The following LRFN5 variants were observed in gnomAD, a reference collection of about 807,000 sequenced individuals.
LRFN5 encodes the protein leucine-rich repeat and fibronectin type-III domain-containing protein 5.
In LRFN5, 24 loss-of-function variants were observed where a neutral mutation model predicts 45.6. The observed-to-expected ratio is 0.53, with a 90% confidence interval of 0.38 to 0.74. LRFN5 has a LOEUF of 0.74. LRFN5 is among the 30% of genes least tolerant of loss of function. The pLI is 0.00. For synonymous variants in LRFN5, 340 were observed against 313.8 expected (o/e 1.08, Z -0.88); for missense variants, 776 against 861.5 (o/e 0.90, Z 1.24).
At chr14:41,643,762 C>T (rs1277055473) in intron 1 of LRFN5, among the ~76,000 whole-genome samples, 2 of 151,956 alleles carry the variant, frequency 1.3e-5, no homozygotes, top group Non-Finnish European at 2.9e-5. Context: ...ACCGTTACTC[C>T]CATATATTCT....
chr14:41,785,610 C>G (rs1886690754), intron 2 of LRFN5, among the ~76,000 whole-genome samples: 1 of 152,048 alleles, frequency 6.6e-6, no homozygotes, highest in Non-Finnish European at 1.5e-5. Flanking sequence ...TTCAATGATT[C>G]AAGCACTTTA....
In LRFN5 at chr14:41,872,257, A is replaced by G. The variant is rs75775936; in HGVS notation, c.-20-14349A>G. Among the ~76,000 whole-genome samples the G allele has an allele frequency of 3.3e-4, 50 of 152,336 alleles. 2 individuals carry two copies. The East Asian group carries it at 9.4e-3, about 29-fold the overall frequency. On this transcript the variant is annotated intron_variant, in intron 2 of 5. Coordinates refer to ENST00000298119, the MANE Select transcript of LRFN5 (RefSeq NM_152447.5). ...GACTAATCACTAATGTGGATGATTT[A>G]CTATTGAAAGAACCCAAGTTACTTT...
At chr14:41,769,134 A>G (rs188854332) in intron 2 of LRFN5, among the ~76,000 whole-genome samples, 1 of 152,258 alleles carries the variant, frequency 6.6e-6, no homozygotes, top group East Asian at 1.9e-4. Context: ...TCCAACTTCA[A>G]ATAGCTCATT....
intron 2 of LRFN5, among the ~76,000 whole-genome samples, chr14:41,772,932 G>A (rs1886142251): frequency 1.3e-5 from 2 of 152,126 alleles, no homozygotes; most frequent in South Asian, 4.1e-4. Context: ...TTACTACTGT[G>A]ATTTCTCCCG....
chr14:41,877,963 T>C (rs1029152922), intron 2 of LRFN5, among the ~76,000 whole-genome samples: 3 of 152,100 alleles, frequency 2.0e-5, no homozygotes, highest in Non-Finnish European at 4.4e-5. Context: ...GTGACTGTTA[T>C]AATCAAATCC....
At chr14:41,611,842 T>C (rs1181452131) in intron 1 of LRFN5, among the ~76,000 whole-genome samples, 1 of 152,192 alleles carries the variant, frequency 6.6e-6, no homozygotes, top group Non-Finnish European at 1.5e-5. Context: ...TCTTTCCTTT[T>C]TCTCAAGAGG....
chr14:41,641,113 A>G (rs758853395), intron 1 of LRFN5, among the ~76,000 whole-genome samples: 9 of 152,146 alleles, frequency 5.9e-5, no homozygotes, highest in Non-Finnish European at 1.3e-4. Flanking sequence ...CTGTGGGCAG[A>G]TAAACCCCTC....
chr14:41,807,638 C>G (rs1343912913), intron 2 of LRFN5, among the ~76,000 whole-genome samples: 2 of 152,008 alleles, frequency 1.3e-5, no homozygotes, highest in South Asian at 2.1e-4. Context: ...CACAGACCAC[C>G]CTGTCTGCTG....
At chr14:41,698,806 C>G (rs560648427) in intron 1 of LRFN5, among the ~76,000 whole-genome samples, 1 of 152,006 alleles carries the variant, frequency 6.6e-6, no homozygotes, top group East Asian at 1.9e-4. Context: ...ATTTTTCTGT[C>G]TATGGATTGT....
chr14:41,891,698 C>A lies in LRFN5; in HGVS notation c.1834C>A (p.Gln612Lys), dbSNP rs759848495. 46 of 1,614,078 alleles carry A rather than the reference C, an allele frequency of 2.8e-5. No homozygotes were observed. Among genetic ancestry groups the A allele is most frequent in the Middle Eastern group, 1.6e-4 (1 of 6,084 alleles). The stretch of plus-strand genomic sequence containing the variant: ...TAAAGCTACCAGTGACAATGTGATT[C>A]AATCTTCAGAAACTTGTTCGAGTCA... ...CCKATSDNVI[Q>K]SSETCSSQDS... The change falls in exon 4 of 6, where the codon CAA becomes AAA. Residue 612 changes from glutamine (Q) to lysine (K), a missense_variant. By Grantham distance (53) the Gln-to-Lys change is moderately conservative. Around this residue, in one of 2 missense-constraint regions of LRFN5, gnomAD observed 465 missense variants for 456.4 expected, o/e 1.02. Coordinates refer to ENST00000298119, the MANE Select transcript of LRFN5 (RefSeq NM_152447.5).
chr14:41,651,594 A>C (rs1190332157), intron 1 of LRFN5, among the ~76,000 whole-genome samples: 3 of 152,196 alleles, frequency 2.0e-5, no homozygotes, highest in Non-Finnish European at 4.4e-5. Context: ...TGCTAGAATA[A>C]ACCATCCTTT....
chr14:41,785,423 A>AT (rs1334129041), intron 2 of LRFN5, among the ~76,000 whole-genome samples: 2 of 151,892 alleles, frequency 1.3e-5, no homozygotes, highest in Non-Finnish European at 2.9e-5. Context: ...TTATATACTT[A>AT]TACTTCTTTG....
At chr14:41,786,749 A>G (rs1886735498) in intron 2 of LRFN5, among the ~76,000 whole-genome samples, 2 of 151,400 alleles carry the variant, frequency 1.3e-5, no homozygotes, top group South Asian at 4.2e-4. Context: ...CTTATGTTGA[A>G]CTGCTCTGGA....
chr14:41,743,708 T>C (rs1884802498), intron 1 of LRFN5, among the ~76,000 whole-genome samples: 1 of 152,156 alleles, frequency 6.6e-6, no homozygotes, highest in Non-Finnish European at 1.5e-5. Flanking sequence ...AAAATATAAG[T>C]TGTTAAGGTG....
chr14:41,691,937 C>T (rs1391311138), intron 1 of LRFN5, among the ~76,000 whole-genome samples: 1 of 151,920 alleles, frequency 6.6e-6, no homozygotes, highest in Non-Finnish European at 1.5e-5. Flanking sequence ...GGTAATTTTC[C>T]ATGGTGTTCT....
intron 1 of LRFN5, among the ~76,000 whole-genome samples, chr14:41,715,984 C>T (rs1206318815): frequency 6.6e-6 from 1 of 152,238 alleles, no homozygotes; most frequent in African/African-American, 2.4e-5. Context: ...GGTTCCCAAA[C>T]TCCAGTTCTT....
intron 1 of LRFN5, among the ~76,000 whole-genome samples, chr14:41,683,475 A>G (rs548525042): frequency 6.6e-6 from 1 of 152,198 alleles, no homozygotes; most frequent in South Asian, 2.1e-4. Context: ...TAGAGCAGAT[A>G]AGAGGAAGAT....
At chr14:41,651,737 A>G (rs977551427) in intron 1 of LRFN5, among the ~76,000 whole-genome samples, 4 of 152,200 alleles carry the variant, frequency 2.6e-5, no homozygotes, top group Non-Finnish European at 5.9e-5. Context: ...GATGATTCCT[A>G]TTCTCAGCTA....
chr14:41,779,651 C>G (rs1886412844), intron 2 of LRFN5, among the ~76,000 whole-genome samples: 1 of 151,792 alleles, frequency 6.6e-6, no homozygotes, highest in Non-Finnish European at 1.5e-5. Flanking sequence ...TGTCCGTTAA[C>G]AGATAAAGAG....
Sources: allele counts gnomAD v4.1 joint callset (sites outside exome capture counted in the v4.1 genomes callset), GRCh38; gene constraint gnomAD v4.1.1; regional missense constraint gnomAD v4.1.1; transcripts MANE v1.5; gene names NCBI Gene and HGNC (gene_info 2026-07-23, HGNC 2026-07-21).